The following TAFA1 variants were observed in gnomAD, a reference collection of about 807,000 sequenced individuals.
TAFA1 encodes chemokine-like protein TAFA-1.
Under a neutral mutation model 18.5 loss-of-function variants are expected in TAFA1, and 4 were observed. The observed-to-expected ratio is 0.22, with a 90% CI of 0.11 to 0.49. The LOEUF (loss-of-function observed/expected upper bound fraction) is 0.49. Among genes scored for constraint, TAFA1 ranks in the 20% least tolerant of loss-of-function variants. TAFA1 has a pLI of 0.98. For missense variants in TAFA1, 147 were observed against 169.0 expected, an observed-to-expected ratio of 0.87 and a Z score of 0.72; for synonymous variants, 56 against 55.2, an observed-to-expected ratio of 1.01 and a Z score of -0.06.
intron 2 of TAFA1, among the ~76,000 whole-genome samples, chr3:68,370,348 ATATAT>A: frequency 1.2e-5 from 1 of 84,774 alleles, no homozygotes; most frequent in Non-Finnish European, 2.2e-5. Context: ...ATATATATAT[ATATAT>A]ACACACACAC....
chr3:68,161,024 T>A (rs1347143889), intron 2 of TAFA1, among the ~76,000 whole-genome samples: 1 of 152,214 alleles, frequency 6.6e-6, no homozygotes, highest in Non-Finnish European at 1.5e-5. Flanking sequence ...TTAAAAGAAA[T>A]CAGGACCATG....
At chr3:68,299,983 A>G (rs569189885) in intron 2 of TAFA1, among the ~76,000 whole-genome samples, 5 of 152,354 alleles carry the variant, frequency 3.3e-5, no homozygotes, top group Non-Finnish European at 7.3e-5. Flanking sequence ...CTCATGGAGA[A>G]CCTCTGCTAA....
At chr3:68,119,209 A>G (rs2065359058) in intron 2 of TAFA1, among the ~76,000 whole-genome samples, 1 of 152,060 alleles carries the variant, frequency 6.6e-6, no homozygotes, top group Non-Finnish European at 1.5e-5. Context: ...TCTTTGCCTA[A>G]TCTTTAATCA....
intron 3 of TAFA1, among the ~76,000 whole-genome samples, chr3:68,447,517 C>T (rs1248071716): frequency 6.6e-6 from 1 of 152,218 alleles, no homozygotes; most frequent in African/African-American, 2.4e-5. Flanking sequence ...GTCCTTGTTC[C>T]AGAACCATTG....
At chr3:68,120,167 C>CTCT (rs1449201509) in intron 2 of TAFA1, among the ~76,000 whole-genome samples, 5 of 147,464 alleles carry the variant, frequency 3.4e-5, no homozygotes, top group African/African-American at 1.3e-4. Flanking sequence ...CTTTCTCTTT[C>CTCT]TTTCTCTTTC....
intron 2 of TAFA1, among the ~76,000 whole-genome samples, chr3:68,211,940 T>C (rs946397516): frequency 5.3e-5 from 8 of 152,066 alleles, no homozygotes; most frequent in Admixed American, 2.0e-4. Flanking sequence ...ACAGTGGGAA[T>C]GACATTTTAA....
intron 2 of TAFA1, among the ~76,000 whole-genome samples, chr3:68,106,225 G>T (rs1175564523): frequency 6.6e-6 from 1 of 151,562 alleles, no homozygotes; most frequent in African/African-American, 2.4e-5. Context: ...CATATACAAA[G>T]ATTAACTTGA....
At position 68,029,014 on chromosome 3, in the gene TAFA1, A is replaced by G. The variant is rs538083934; in HGVS notation, c.118+22270A>G. 8.0e-4 allele frequency among the ~76,000 whole-genome samples: 121 copies of G among 152,074 alleles called. 2 individuals are homozygous for G. In the South Asian group the frequency reaches 0.025, roughly 31 times the overall value. On this transcript the variant is annotated intron_variant, in intron 2 of 4. Coordinates refer to ENST00000478136, the MANE Select transcript of TAFA1 (RefSeq NM_213609.4). ...GCTATCCACTTACCTTGGTTTCTCA[A>G]AGTGCTGGGATTAGACGCATGAGCC...
intron 2 of TAFA1, among the ~76,000 whole-genome samples, chr3:68,405,544 C>G (rs2070584756): frequency 6.7e-6 from 1 of 148,982 alleles, no homozygotes; most frequent in Non-Finnish European, 1.5e-5. Context: ...AAATACAAAT[C>G]AAAACATTAG....
chr3:68,156,992 T>G (rs1180234331), intron 2 of TAFA1, among the ~76,000 whole-genome samples: 1 of 152,152 alleles, frequency 6.6e-6, no homozygotes, highest in Non-Finnish European at 1.5e-5. Context: ...CTGGGGAAAA[T>G]GTTCTCAGGT....
intron 2 of TAFA1, among the ~76,000 whole-genome samples, chr3:68,268,881 T>C (rs2067603063): frequency 6.6e-6 from 1 of 152,212 alleles, no homozygotes; most frequent in Admixed American, 6.5e-5. Flanking sequence ...TACACTAAGC[T>C]GTCTTGCCTG....
chr3:68,350,109 A>C (rs2069239184), intron 2 of TAFA1, among the ~76,000 whole-genome samples: 1 of 152,238 alleles, frequency 6.6e-6, no homozygotes, highest in Middle Eastern at 3.4e-3. Context: ...GTTATCTTAA[A>C]AACTCTGGTG....
intron 3 of TAFA1, among the ~76,000 whole-genome samples, chr3:68,428,957 G>T (rs1452149424): frequency 1.3e-5 from 2 of 151,908 alleles, no homozygotes; most frequent in East Asian, 1.9e-4. Context: ...CTCAATAGAG[G>T]TTCAAGTAAA....
At chr3:68,291,062 A>G (rs2068095446) in intron 2 of TAFA1, among the ~76,000 whole-genome samples, 1 of 152,142 alleles carries the variant, frequency 6.6e-6, no homozygotes, top group Non-Finnish European at 1.5e-5. Flanking sequence ...GATGCATGTA[A>G]AAGGATTAGA....
At chr3:68,082,761 A>G (rs7372484) in intron 2 of TAFA1, among the ~76,000 whole-genome samples, 9,596 of 152,232 alleles carry the variant, frequency 0.063, 576 homozygotes, top group East Asian at 0.35. Flanking sequence ...AATGAATTGT[A>G]TTTATGTTGT....
intron 2 of TAFA1, among the ~76,000 whole-genome samples, chr3:68,360,445 A>T (rs2106792591): frequency 6.6e-6 from 1 of 152,094 alleles, no homozygotes; most frequent in East Asian, 1.9e-4. Flanking sequence ...ATAGAGCAAG[A>T]TGCCAAATTC....
chr3:68,479,598 T>C (rs1489700135), intron 3 of TAFA1, among the ~76,000 whole-genome samples: 4 of 152,156 alleles, frequency 2.6e-5, no homozygotes, highest in Non-Finnish European at 5.9e-5. Context: ...AACACAATAC[T>C]TGATATATTT....
intron 3 of TAFA1, among the ~76,000 whole-genome samples, chr3:68,430,706 A>G (rs2071153526): frequency 6.6e-6 from 1 of 151,978 alleles, no homozygotes; most frequent in Non-Finnish European, 1.5e-5. Flanking sequence ...TGATACTACC[A>G]GCCTCCACAC....
At chr3:68,269,586 A>T (rs1297473838) in intron 2 of TAFA1, among the ~76,000 whole-genome samples, 2 of 152,182 alleles carry the variant, frequency 1.3e-5, no homozygotes, top group Non-Finnish European at 2.9e-5. Context: ...CACTTTGAGA[A>T]GTTTCAAGAC....
Sources: gnomAD v4.1 joint callset for allele counts (sites outside exome capture counted in the v4.1 genomes callset) on GRCh38, gnomAD v4.1.1 for gene constraint, MANE v1.5 for transcripts, NCBI Gene and HGNC (gene_info 2026-07-23, HGNC 2026-07-21) for gene names.